Variants in PPP1R42 observed in about 807,000 individuals in gnomAD.
The protein encoded by PPP1R42 is leucine rich repeat containing 67.
In PPP1R42, 34 loss-of-function variants were observed where a neutral mutation model predicts 31.0. That is an observed-to-expected ratio of 1.10 (90% CI 0.83 to 1.46). PPP1R42 has a LOEUF of 1.46. PPP1R42 is among the 40% of genes most tolerant of loss of function. The pLI is 0.00. For missense variants in PPP1R42, 268 were observed against 303.0 expected, an observed-to-expected ratio of 0.88 and a Z score of 0.86; for synonymous variants, 103 against 109.8, an observed-to-expected ratio of 0.94 and a Z score of 0.39.
At chr8:67,023,122 T>TTGTTTTTGTTTTGTTTTTGTTTTG (rs1342797812) in intron 1 of PPP1R42, among the ~76,000 whole-genome samples, 2 of 149,788 alleles carry the variant, frequency 1.3e-5, no homozygotes, top group African/African-American at 5.0e-5. Flanking sequence ...TGTTTTGTTT[T>TTGTTTTTGTTTTGTTTTTGTTTTG]TTCATTTGTT....
In PPP1R42 at chr8:67,018,400, G is replaced by T. The variant is rs138454368; in HGVS notation, c.-84-569C>A. Among the ~76,000 whole-genome samples the T allele has an allele frequency of 8.0e-3, 1,216 of 152,126 alleles. 12 individuals carry two copies. Among genetic ancestry groups the T allele is most frequent in the African/African-American group, 0.028 (1,161 of 41,508 alleles). ...CCCAAAGTGCTGAGATTACAGGCGT[G>T]AGCCACCGCGCCCGACCTCTTTTTT... On this transcript the variant is annotated intron_variant, in intron 1 of 7. Coordinates refer to ENST00000685739, the MANE Select transcript of PPP1R42 (RefSeq NM_001364910.1).
At chr8:66,967,568 T>A (rs915020047) in intron 7 of PPP1R42, among the ~76,000 whole-genome samples, 2 of 152,234 alleles carry the variant, frequency 1.3e-5, no homozygotes, top group Non-Finnish European at 2.9e-5. Flanking sequence ...TGTTCAAATA[T>A]AACCTTAACA....
intron 2 of PPP1R42, 50 bp from the exon 3 acceptor site, chr8:67,014,642 A>G (rs763537708): frequency 1.5e-6 from 2 of 1,375,228 alleles, no homozygotes; most frequent in African/African-American, 3.0e-5. Context: ...TGAAAACTTA[A>G]AAGTTTGTTT....
chr8:66,972,002 A>C (rs1411165135), intron 7 of PPP1R42, among the ~76,000 whole-genome samples: 1 of 152,254 alleles, frequency 6.6e-6, no homozygotes, highest in Non-Finnish European at 1.5e-5. Flanking sequence ...AGTTCATCTT[A>C]ACTCTTCTAA....
intron 5 of PPP1R42, among the ~76,000 whole-genome samples, chr8:67,009,458 C>G (rs1203286652): frequency 6.6e-6 from 1 of 151,868 alleles, no homozygotes; most frequent in African/African-American, 2.4e-5. Context: ...ATCCCAGATA[C>G]TCGGGAGGCT....
At chr8:67,018,043 C>T (rs937834136) in intron 1 of PPP1R42, among the ~76,000 whole-genome samples, 2 of 151,972 alleles carry the variant, frequency 1.3e-5, no homozygotes, top group Non-Finnish European at 2.9e-5. Flanking sequence ...ATACTCATTA[C>T]TCATTCACTT....
rs371312239 is a variant in PPP1R42 at position 67,019,880 on chromosome 8, T to A, written c.-84-2049A>T. On this transcript the variant is annotated intron_variant, in intron 1 of 7. Transcript: ENST00000685739. ...TCCAGCCTGGGCGACAGAGCGAGAC[T>A]CCACCTCAACAAAAAAAAAACCAAA... 1.4e-4 allele frequency among the ~76,000 whole-genome samples: 21 copies of A among 150,384 alleles called. No individual in the cohort carries two copies. The East Asian group carries it at 4.0e-3, about 29-fold the overall frequency.
In PPP1R42 at chr8:66,999,846, T is replaced by C. The variant is rs571367394; in HGVS notation, c.552+10869A>G. Reference sequence around the variant, plus strand: ...TTTCTTATGTCAGTTTTGGTATTTATGTCTTGCAAGTAATATGTTTTTAAC... The same window carrying C: ...TTTCTTATGTCAGTTTTGGTATTTACGTCTTGCAAGTAATATGTTTTTAAC... On this transcript the variant is annotated intron_variant, in intron 5 of 7. Transcript: ENST00000685739. Among the ~76,000 whole-genome samples, 8 of 152,352 alleles carry C rather than the reference T, an allele frequency of 5.3e-5. No individual in the cohort carries two copies. The South Asian group carries it at 1.2e-3, about 24-fold the overall frequency.
intron 5 of PPP1R42, among the ~76,000 whole-genome samples, chr8:66,994,688 TATTG>T (rs1815286869): frequency 6.6e-6 from 1 of 152,184 alleles, no homozygotes; most frequent in Admixed American, 6.5e-5. Context: ...CTATCTGCAA[TATTG>T]ATTAACAGGA....
At chr8:66,980,855 T>C (rs1042346812) in intron 7 of PPP1R42, among the ~76,000 whole-genome samples, 4 of 152,126 alleles carry the variant, frequency 2.6e-5, no homozygotes, top group East Asian at 1.9e-4. Context: ...TTTTTTTTTT[T>C]TCTTTAAGAC....
chr8:67,025,850 C>T lies in PPP1R42; in HGVS notation c.-85+2641G>A, dbSNP rs548059106. Among the ~76,000 whole-genome samples, 3 of 150,526 alleles carry T rather than the reference C, an allele frequency of 2.0e-5. No individual in the cohort carries two copies. In the Admixed American group the frequency reaches 2.0e-4, roughly 10 times the overall value. ...TGACACCTCATCTCTACTAAAAATA[C>T]AAAAATTAGCTGGGCGTGGTGGCAC... On this transcript the variant is annotated intron_variant, in intron 1 of 7. Coordinates refer to ENST00000685739, the MANE Select transcript of PPP1R42 (RefSeq NM_001364910.1).
At chr8:67,004,179 T>C (rs534385909) in intron 5 of PPP1R42, among the ~76,000 whole-genome samples, 3 of 151,864 alleles carry the variant, frequency 2.0e-5, no homozygotes, top group Non-Finnish European at 4.4e-5. Flanking sequence ...TATAAAAGGG[T>C]GATTTTGCTC....
chr8:67,017,771 C>G lies in PPP1R42; in HGVS notation c.-24G>C. The G allele has an allele frequency of 1.3e-6, 2 of 1,556,962 alleles. No homozygotes were observed. Among genetic ancestry groups the G allele is most frequent in the Non-Finnish European group, 1.7e-6 (2 of 1,155,862 alleles). On this transcript the variant is annotated 5_prime_UTR_variant, in exon 2 of 8. The change abolishes the stop of an existing upstream ORF in the 5' untranslated region. Transcript: ENST00000685739. ...ATAATTTCTTTATAAATCAAACTCT[C>G]AGCAAAAGCTCTGTTTTGACACCAT... is the stretch of plus-strand genomic sequence containing the variant.
chr8:66,993,634 C>T (rs758402123), intron 5 of PPP1R42, among the ~76,000 whole-genome samples: 37 of 152,156 alleles, frequency 2.4e-4, no homozygotes, highest in Non-Finnish European at 3.5e-4. Context: ...ATAATAGGCT[C>T]GCAGAGACAC....
At chr8:67,018,889 G>A (rs1354028902) in intron 1 of PPP1R42, among the ~76,000 whole-genome samples, 1 of 140,474 alleles carries the variant, frequency 7.1e-6, no homozygotes, top group Admixed American at 7.9e-5. Context: ...GAGTGCAGTG[G>A]CGCAATCTCG....
intron 5 of PPP1R42, among the ~76,000 whole-genome samples, chr8:66,999,930 C>A (rs951329222): frequency 2.0e-5 from 3 of 152,156 alleles, no homozygotes; most frequent in Non-Finnish European, 1.5e-5. Flanking sequence ...ATCCTTTTAA[C>A]TGTAGTGACA....
intron 5 of PPP1R42, among the ~76,000 whole-genome samples, chr8:67,004,548 AT>A (rs1392641416): frequency 1.2e-4 from 18 of 152,102 alleles, no homozygotes; most frequent in African/African-American, 4.3e-4. Context: ...TATATTGAAT[AT>A]TTAATTTCCT....
intron 1 of PPP1R42, among the ~76,000 whole-genome samples, chr8:67,024,876 T>C (rs144690538): frequency 6.6e-6 from 1 of 152,206 alleles, no homozygotes; most frequent in Non-Finnish European, 1.5e-5. Context: ...TAAACCAAAC[T>C]TAGTCAGAAT....
intron 6 of PPP1R42, chr8:66,986,297 T>C: frequency 2.0e-6 from 1 of 505,222 alleles, no homozygotes; most frequent in East Asian, 5.0e-5. Context: ...ATTGTAGTTA[T>C]CAACGACTGT....
Sources: allele counts gnomAD v4.1 joint callset (sites outside exome capture counted in the v4.1 genomes callset), GRCh38; gene constraint gnomAD v4.1.1; transcripts MANE v1.5; gene names NCBI Gene and HGNC (gene_info 2026-07-23, HGNC 2026-07-21).